PPP1R9A: variants seen among roughly 807,000 people sequenced by gnomAD.
The protein encoded by PPP1R9A is protein phosphatase 1 regulatory subunit 9A, also known as neurabin-1.
A neutral mutation model predicts 141.9 loss-of-function variants in PPP1R9A; 59 were observed. The observed-to-expected ratio is 0.42, with a 90% CI of 0.34 to 0.52. The LOEUF is 0.52. PPP1R9A is among the 20% of genes least tolerant of loss of function. The probability of loss-of-function intolerance (pLI) is 0.10; values close to 1 mark genes in which losing one functional copy is unlikely to be tolerated. For synonymous variants in PPP1R9A, 500 were observed against 569.7 expected (o/e 0.88, Z 1.74); for missense variants, 1,444 against 1,611.9 (o/e 0.90, Z 1.78).
intron 2 of PPP1R9A, among the ~76,000 whole-genome samples, chr7:95,045,289 C>G (rs1343590782): frequency 1.3e-5 from 2 of 152,180 alleles, no homozygotes; most frequent in Non-Finnish European, 2.9e-5. Flanking sequence ...GGAAAGTACA[C>G]TTGGAAGAGA....
chr7:94,929,921 A>G (rs1793948557), intron 2 of PPP1R9A, among the ~76,000 whole-genome samples: 1 of 152,192 alleles, frequency 6.6e-6, no homozygotes, highest in South Asian at 2.1e-4. Flanking sequence ...TGCAAAAATC[A>G]TATGTGACTA....
chr7:95,132,437 A>T (rs1193072556), intron 4 of PPP1R9A, among the ~76,000 whole-genome samples: 48 of 152,074 alleles, frequency 3.2e-4, no homozygotes, highest in Admixed American at 3.1e-3. Flanking sequence ...GTCTGAGAAG[A>T]TCGTATGGTT....
intron 2 of PPP1R9A, among the ~76,000 whole-genome samples, chr7:95,068,468 CT>C: frequency 2.1e-5 from 1 of 47,784 alleles, no homozygotes; most frequent in Admixed American, 3.8e-4. Context: ...AGACTCTTGT[CT>C]CAAGAAAAAA....
chr7:95,030,770 A>G (rs1807560904), intron 2 of PPP1R9A, among the ~76,000 whole-genome samples: 1 of 152,084 alleles, frequency 6.6e-6, no homozygotes, highest in Non-Finnish European at 1.5e-5. Flanking sequence ...GATCCACTAA[A>G]TCTCTTACTC....
At chr7:95,272,794 A>C (rs1248662433) in intron 14 of PPP1R9A, among the ~76,000 whole-genome samples, 2 of 152,206 alleles carry the variant, frequency 1.3e-5, no homozygotes, top group Non-Finnish European at 2.9e-5. Flanking sequence ...TTAATTGAAC[A>C]CTTTTTTAAG....
intron 14 of PPP1R9A, among the ~76,000 whole-genome samples, 170 bp from the exon 15 acceptor site, chr7:95,273,729 C>CAA (rs1563541182): frequency 2.6e-5 from 4 of 151,644 alleles, no homozygotes; most frequent in African/African-American, 7.3e-5. Context: ...TGCTTAACTG[C>CAA]GAGTTCCTCA....
At chr7:95,026,468 A>ACCC (rs1012462050) in intron 2 of PPP1R9A, among the ~76,000 whole-genome samples, 2 of 152,090 alleles carry the variant, frequency 1.3e-5, no homozygotes, top group African/African-American at 4.8e-5. Flanking sequence ...CTAGAGGGGC[A>ACCC]CCCTCCAGAT....
chr7:95,043,065 A>AT (rs761960923), intron 2 of PPP1R9A, among the ~76,000 whole-genome samples: 18 of 152,216 alleles, frequency 1.2e-4, no homozygotes, highest in Admixed American at 5.2e-4. Flanking sequence ...TGTAGCATAT[A>AT]TAAAAAATGA....
At chr7:95,126,784 A>T (rs888607594) in intron 4 of PPP1R9A, among the ~76,000 whole-genome samples, 1 of 152,156 alleles carries the variant, frequency 6.6e-6, no homozygotes, top group African/African-American at 2.4e-5. Flanking sequence ...GTGAGGTTGC[A>T]TCTAAAAGTT....
At chr7:95,212,701 TTCC>T (rs1325572418) in intron 7 of PPP1R9A, among the ~76,000 whole-genome samples, 2 of 152,152 alleles carry the variant, frequency 1.3e-5, no homozygotes, top group African/African-American at 2.4e-5. Context: ...ACCCCTAGAC[TTCC>T]TCCTTGTATG....
At chr7:95,214,573 G>A (rs1264305418) in intron 7 of PPP1R9A, among the ~76,000 whole-genome samples, 1 of 152,024 alleles carries the variant, frequency 6.6e-6, no homozygotes, top group Admixed American at 6.6e-5. Flanking sequence ...TTGTATTCTG[G>A]TTGTTGGAAA....
intron 4 of PPP1R9A, among the ~76,000 whole-genome samples, chr7:95,138,084 C>A (rs1433955859): frequency 2.0e-5 from 3 of 151,990 alleles, no homozygotes; most frequent in Non-Finnish European, 4.4e-5. Context: ...AGGTGCCCGC[C>A]ATCACACCCG....
At chr7:95,026,725 G>T (rs577263782) in intron 2 of PPP1R9A, among the ~76,000 whole-genome samples, 5 of 152,140 alleles carry the variant, frequency 3.3e-5, no homozygotes, top group African/African-American at 4.8e-5. Flanking sequence ...GGAGATGGGG[G>T]TTTTATTTAT....
At position 95,294,273 on chromosome 7, in the gene PPP1R9A, CTTTTCTTTTT is replaced by C. The variant is rs1806776742; in HGVS notation, c.*3975_*3984del. On this transcript the variant is annotated 3_prime_UTR_variant, in exon 20 of 20. Coordinates refer to ENST00000433360, the MANE Select transcript of PPP1R9A (RefSeq NM_001166160.2). ...AAATAAAATGTCCATATTTTCTTTT[CTTTTCTTTTT>C]TTTTTTTTTTTTCTGTCATCTGTCA... The C allele has an allele frequency of 1.2e-4, 14 of 117,656 alleles. No individual in the cohort carries two copies. In the South Asian group the frequency reaches 3.7e-3, roughly 31 times the overall value. The allele number at this position is 117,656 out of a possible 1,614,324, so 7.3% of individuals were successfully genotyped here. A position where few individuals can be genotyped will look rare whatever the true frequency, so the allele number is the denominator to read the frequency against.
rs960093541 is a variant in PPP1R9A, at chr7:95,082,772, T to C, written c.1396-28487T>C. Among the ~76,000 whole-genome samples, 1,125 of 136,958 alleles carry C rather than the reference T, an allele frequency of 8.2e-3. 28 individuals are homozygous for C. Among genetic ancestry groups the C allele is most frequent in the East Asian group, 0.036 (178 of 4,902 alleles). 89.8% of individuals were successfully genotyped at this position (136,958 alleles called of 152,430 possible). ...TGTAGGGTGGAAGGGATTTCTTTTT[T>C]TTTTTTTTTTTTTTTTTGAGACGGA... On this transcript the variant is annotated intron_variant, in intron 2 of 19. Transcript: ENST00000433360.
intron 2 of PPP1R9A, among the ~76,000 whole-genome samples, chr7:94,976,434 G>A (rs1352544120): frequency 2.0e-5 from 3 of 148,696 alleles, no homozygotes; most frequent in Non-Finnish European, 3.0e-5. Context: ...TCTGACTCCT[G>A]GGTTCAGGCG....
chr7:94,996,428 C>T (rs547711956), intron 2 of PPP1R9A, among the ~76,000 whole-genome samples: 21 of 152,152 alleles, frequency 1.4e-4, no homozygotes, highest in African/African-American at 4.8e-4. Flanking sequence ...CAAAAAAAGT[C>T]CTCTTTAGAC....
intron 12 of PPP1R9A, among the ~76,000 whole-genome samples, chr7:95,266,367 T>A (rs1040088861): frequency 5.3e-5 from 8 of 152,116 alleles, no homozygotes; most frequent in African/African-American, 1.9e-4. Flanking sequence ...TAGGGAAGAT[T>A]AATTATAATA....
intron 2 of PPP1R9A, among the ~76,000 whole-genome samples, chr7:94,983,737 T>C (rs1378094564): frequency 6.6e-6 from 1 of 152,136 alleles, no homozygotes; most frequent in African/African-American, 2.4e-5. Flanking sequence ...TGGGCTGAGA[T>C]GATGGGATTT....
Sources: gnomAD v4.1 joint callset for allele counts (sites outside exome capture counted in the v4.1 genomes callset) on GRCh38, gnomAD v4.1.1 for gene constraint, MANE v1.5 for transcripts, NCBI Gene and HGNC (gene_info 2026-07-23, HGNC 2026-07-21) for gene names.